OSBPL1A: variants seen among roughly 807,000 people sequenced by gnomAD.
OSBPL1A encodes the protein oxysterol binding protein like 1A, also known as oxysterol-binding protein-related protein 1.
OSBPL1A carries 80 observed loss-of-function variants against 137.1 expected under a neutral mutation model. The observed-to-expected ratio is 0.58, with a 90% CI of 0.49 to 0.70. The LOEUF is 0.70. Among genes scored for constraint, OSBPL1A ranks in the 30% least tolerant of loss-of-function variants. OSBPL1A has a pLI of 0.00. For synonymous variants in OSBPL1A, 365 were observed against 389.7 expected, an observed-to-expected ratio of 0.94 and a Z score of 0.75; for missense variants, 970 against 1,129.4, an observed-to-expected ratio of 0.86 and a Z score of 2.02.
At position 24,303,637 on chromosome 18, in the gene OSBPL1A, C is replaced by G; in HGVS notation, c.1174G>C (p.Glu392Gln). Residue 392 changes from glutamate to glutamine, a missense_variant and splice_region_variant, in exon 14 of 28, where the codon GAA (glutamate) becomes CAA (glutamine). Transcript: ENST00000319481. ...GTAGGGATAGTGCTTGTCTTTTTAC[C>G]TTTAGCCATGTCACACTCCTTAATC... ...KMIKECDMAKEMLPSFLQKVE... is the reference protein window; with the variant it reads ...KMIKECDMAKQMLPSFLQKVE... The G allele has an allele frequency of 1.9e-6, 3 of 1,610,870 alleles. No homozygotes were observed. The highest frequency in any genetic ancestry group is 2.5e-6 in the Non-Finnish European group (3 of 1,177,430).
chr18:24,395,147 C>T (rs1025489223), intron 1 of OSBPL1A, among the ~76,000 whole-genome samples: 1 of 152,166 alleles, frequency 6.6e-6, no homozygotes, highest in African/African-American at 2.4e-5. Flanking sequence ...AGTGCTAAAA[C>T]CTGTCCTCTT....
chr18:24,293,536 C>G (rs901974849), intron 14 of OSBPL1A, among the ~76,000 whole-genome samples: 5 of 152,162 alleles, frequency 3.3e-5, no homozygotes, highest in African/African-American at 1.2e-4. Context: ...AGCAAACCAG[C>G]GCAGGAGGCC....
At position 24,167,407 on chromosome 18, in the gene OSBPL1A, C is replaced by T. The variant is rs775694273; in HGVS notation, c.2457G>A (p.Pro819=). The change falls in exon 25 of 28, where the codon CCG becomes CCA. Residue 819 remains proline, a synonymous_variant. Transcript: ENST00000319481. ...GGATAATGAATACACTTTCAGAATC[C>T]GGCACTGGCATTTCATCCAACTCCT... ...TSEELDEMPV[P]DSESVFIIPG... The T allele has an allele frequency of 2.8e-5, 46 of 1,614,040 alleles. No individual in the cohort carries two copies. The highest frequency in any genetic ancestry group is 1.6e-4 in the East Asian group (7 of 44,898).
intron 24 of OSBPL1A, among the ~76,000 whole-genome samples, chr18:24,168,936 G>A (rs2086207265): frequency 6.6e-6 from 1 of 152,224 alleles, no homozygotes; most frequent in South Asian, 2.1e-4. Context: ...TCTGTGAAGA[G>A]GTTGGAAGGC....
chr18:24,258,107 C>T (rs978672183), intron 15 of OSBPL1A, among the ~76,000 whole-genome samples: 4 of 152,116 alleles, frequency 2.6e-5, no homozygotes, highest in Non-Finnish European at 4.4e-5. Flanking sequence ...CCCAGCAATC[C>T]CACTGCTAGG....
intron 17 of OSBPL1A, among the ~76,000 whole-genome samples, chr18:24,201,862 C>T (rs2087230998): frequency 6.6e-6 from 1 of 152,104 alleles, no homozygotes. Context: ...ACACTGAGCC[C>T]ACCTCCTGCA....
intron 18 of OSBPL1A, among the ~76,000 whole-genome samples, chr18:24,192,256 A>G (rs2086907280): frequency 6.6e-6 from 1 of 152,168 alleles, no homozygotes; most frequent in Non-Finnish European, 1.5e-5. Context: ...CCCTGCTGAG[A>G]AAGCCACTGG....
intron 14 of OSBPL1A, among the ~76,000 whole-genome samples, chr18:24,300,440 C>A (rs909492512): frequency 6.6e-6 from 1 of 152,144 alleles, no homozygotes; most frequent in Non-Finnish European, 1.5e-5. Flanking sequence ...CAAAAAGTAC[C>A]TTTACAAAAA....
At chr18:24,269,515 C>T (rs1309374326) in intron 15 of OSBPL1A, among the ~76,000 whole-genome samples, 1 of 152,030 alleles carries the variant, frequency 6.6e-6, no homozygotes, top group Admixed American at 6.6e-5. Flanking sequence ...ACTGGTCTAG[C>T]AGTTTCTTAT....
At chr18:24,269,242 G>A (rs916218341) in intron 15 of OSBPL1A, among the ~76,000 whole-genome samples, 5 of 152,150 alleles carry the variant, frequency 3.3e-5, no homozygotes, top group African/African-American at 9.7e-5. Flanking sequence ...AAATCTTTCA[G>A]TGACTCTAAC....
At position 24,317,336 on chromosome 18, in the gene OSBPL1A, T is replaced by A. The variant is rs770475471; in HGVS notation, c.797A>T (p.Tyr266Phe). The change falls in exon 10 of 28, where the codon TAT (tyrosine) becomes TTT (phenylalanine). Residue 266 changes from tyrosine to phenylalanine, a missense_variant. Physicochemically the swap from Tyr to Phe is conservative, Grantham distance 22 (BLOSUM62 3). Coordinates refer to ENST00000319481, the MANE Select transcript of OSBPL1A (RefSeq NM_080597.4). ...VVLEHGVLSW[Y>F]RKQPDAVHNI... is the part of the protein sequence containing the mutation. ...AGATCATAATACTTACTGTTTCCTATACCATGAAAGGACTCCATGCTCTAA... is the reference window on the plus strand; with the variant it reads ...AGATCATAATACTTACTGTTTCCTAAACCATGAAAGGACTCCATGCTCTAA... 4 of 1,613,540 alleles carry A rather than the reference T, an allele frequency of 2.5e-6. No individual in the cohort carries two copies. The South Asian group carries it at 4.4e-5, about 18-fold the overall frequency.
chr18:24,381,171 A>G (rs1320705178), intron 1 of OSBPL1A, among the ~76,000 whole-genome samples: 1 of 152,166 alleles, frequency 6.6e-6, no homozygotes. Context: ...TCAACTCTGA[A>G]TACAGCAAGG....
chr18:24,165,148 A>AGC lies in OSBPL1A; in HGVS notation c.2665_2666dup (p.Ser890LeufsTer76), dbSNP rs749304840. On this transcript the variant is annotated frameshift_variant, in exon 27 of 28. Coordinates refer to ENST00000319481, the MANE Select transcript of OSBPL1A (RefSeq NM_080597.4). LOFTEE classifies it high-confidence loss of function. The stretch of plus-strand genomic sequence containing the variant: ...CCTCAAGTCGTTTTTTTTCTTCACT[A>AGC]GCTTGATCTAAAATAAGAACATCAA... The AGC allele has an allele frequency of 3.1e-6, 5 of 1,613,854 alleles. No individual in the cohort carries two copies. Among genetic ancestry groups the AGC allele is most frequent in the Non-Finnish European group, 4.2e-6 (5 of 1,179,916 alleles).
chr18:24,303,059 G>A (rs7226868), intron 14 of OSBPL1A, among the ~76,000 whole-genome samples: 21,269 of 151,798 alleles, frequency 0.14, 2,465 homozygotes, highest in African/African-American at 0.32. Context: ...AGGGTGCACC[G>A]GCATATTCTC....
intron 4 of OSBPL1A, among the ~76,000 whole-genome samples, chr18:24,342,082 A>G (rs2091282331): frequency 6.6e-6 from 1 of 152,220 alleles, no homozygotes. Context: ...TTGATATTTA[A>G]ACAAAATAAA....
chr18:24,249,931 G>C (rs1268191408), intron 15 of OSBPL1A, among the ~76,000 whole-genome samples: 2 of 152,102 alleles, frequency 1.3e-5, no homozygotes, highest in Non-Finnish European at 2.9e-5. Context: ...GGCCAAGGTG[G>C]CTAAAGGAGT....
rs190646944 is a variant in OSBPL1A at position 24,193,091 on chromosome 18, G to A, written c.1677+3034C>T. ...AGAAGCTGGGTAAATGGAGGTAAGG[G>A]AAGAGAGATGATAGCTGAAGGTATA... On this transcript the variant is annotated intron_variant, in intron 18 of 27. Transcript: ENST00000319481. Among the ~76,000 whole-genome samples, 596 of 152,300 alleles carry A rather than the reference G, an allele frequency of 3.9e-3. 2 individuals carry two copies. Among genetic ancestry groups the A allele is most frequent in the African/African-American group, 0.012 (515 of 41,572 alleles).
At chr18:24,347,013 G>A (rs559373567) in intron 4 of OSBPL1A, among the ~76,000 whole-genome samples, 47 of 151,846 alleles carry the variant, frequency 3.1e-4, no homozygotes, top group African/African-American at 1.1e-3. Context: ...GCCTCCCAAA[G>A]TGTTGAGATT....
intron 18 of OSBPL1A, among the ~76,000 whole-genome samples, chr18:24,193,405 T>C (rs2086943485): frequency 6.6e-6 from 1 of 151,354 alleles, no homozygotes; most frequent in Non-Finnish European, 1.5e-5. Context: ...GGAGAATCAC[T>C]TGAACCCGGG....
Sources: gnomAD v4.1 joint callset for allele counts (sites outside exome capture counted in the v4.1 genomes callset) on GRCh38, gnomAD v4.1.1 for gene constraint, MANE v1.5 for transcripts, NCBI Gene and HGNC (gene_info 2026-07-23, HGNC 2026-07-21) for gene names.